L2HGDH: variants seen among roughly 807,000 people sequenced by gnomAD.
L2HGDH encodes the protein L-2-hydroxyglutarate dehydrogenase, mitochondrial.
In L2HGDH, 34 loss-of-function variants were observed where a neutral mutation model predicts 51.5. The ratio of observed to expected loss-of-function variants is 0.66; its 90% CI spans 0.50 to 0.88. L2HGDH has a LOEUF of 0.88. L2HGDH is among the 40% of genes least tolerant of loss of function. The pLI is 0.00. For synonymous variants in L2HGDH, 198 were observed against 197.9 expected, an observed-to-expected ratio of 1.00 and a Z score of -0.01; for missense variants, 558 against 571.9, an observed-to-expected ratio of 0.98 and a Z score of 0.25.
intron 8 of L2HGDH, among the ~76,000 whole-genome samples, 189 bp downstream of exon 8, chr14:50,267,564 T>TG (rs1555328736): frequency 2.7e-5 from 4 of 150,870 alleles, no homozygotes; most frequent in Admixed American, 6.6e-5. Flanking sequence ...GCATTTTTTT[T>TG]TTTGTTTGTT....
chr14:50,300,587 C>T (rs186555124), intron 3 of L2HGDH, among the ~76,000 whole-genome samples: 1 of 152,100 alleles, frequency 6.6e-6, no homozygotes, highest in Non-Finnish European at 1.5e-5. Flanking sequence ...GCGTGAGCCA[C>T]CCTGCCCGGC....
rs1864748519 is a variant in L2HGDH at position 50,303,010 on chromosome 14, C to T, written c.148G>A (p.Asp50Asn). Residue 50 changes from aspartate (D) to asparagine (N), a missense_variant, in exon 2 of 10, where the codon GAT (aspartate) becomes AAT (asparagine). Asp to Asn is a conservative substitution (Grantham distance 23, BLOSUM62 1). Transcript: ENST00000267436. ...ATTCCGCCACCAACGATGACTATAT[C>T]AAATGAGCTTCAAAAGAAAGTCATC... Reference protein sequence around the residue: ...GSRSASTSSFDIVIVGGGIVG... With the variant: ...GSRSASTSSFNIVIVGGGIVG... 6.2e-7 allele frequency: 1 copy of T among 1,600,608 alleles called. No homozygotes were observed. The highest frequency in any genetic ancestry group is 2.2e-5 in the East Asian group (1 of 44,824).
Position 50,312,047 on chromosome 14 carries a change from C to G in L2HGDH, c.104G>C (p.Arg35Thr), listed in dbSNP as rs1378838477. ...GCTGCGGCTACCTCCACACAGCGGT[C>G]TTGGCCTCCCAGACGCGAACCCGCA... Reference protein sequence around the residue: ...GACGFASGRPRPLCGGSRSAS... With the variant: ...GACGFASGRPTPLCGGSRSAS... The change falls in exon 1 of 10, where the codon AGA becomes ACA. Residue 35 changes from arginine to threonine, a missense_variant. Arg to Thr is a moderately conservative substitution (Grantham distance 71, BLOSUM62 -1). Coordinates refer to ENST00000267436, the MANE Select transcript of L2HGDH (RefSeq NM_024884.3). 6.3e-7 allele frequency: 1 copy of G among 1,587,788 alleles called. No individual in the cohort carries two copies. Among genetic ancestry groups the G allele is most frequent in the East Asian group, 2.3e-5 (1 of 43,800 alleles).
At chr14:50,272,495 G>A (rs1349237588) in intron 6 of L2HGDH, among the ~76,000 whole-genome samples, 1 of 152,174 alleles carries the variant, frequency 6.6e-6, no homozygotes, top group Non-Finnish European at 1.5e-5. Context: ...GAAGGCACCT[G>A]TAGGCAAATC....
At chr14:50,272,531 G>A (rs1464116466) in intron 6 of L2HGDH, among the ~76,000 whole-genome samples, 1 of 152,152 alleles carries the variant, frequency 6.6e-6, no homozygotes, top group East Asian at 1.9e-4. Context: ...AGGGTTTTTG[G>A]AGGAAAGTTA....
intron 9 of L2HGDH, among the ~76,000 whole-genome samples, chr14:50,252,308 C>A (rs1327872429): frequency 6.6e-6 from 1 of 151,766 alleles, no homozygotes. Flanking sequence ...TTAAAACATA[C>A]CATCAGAGAA....
At chr14:50,249,031 A>G (rs147761596) in intron 9 of L2HGDH, among the ~76,000 whole-genome samples, 5 of 152,250 alleles carry the variant, frequency 3.3e-5, no homozygotes, top group African/African-American at 1.2e-4. Context: ...GGGCCTTTAC[A>G]CTGAACTCAG....
chr14:50,295,614 G>T (rs180763843), intron 3 of L2HGDH, among the ~76,000 whole-genome samples: 2 of 124,608 alleles, frequency 1.6e-5, no homozygotes, highest in East Asian at 2.3e-4. Context: ...TAGAGACAGC[G>T]TTTTACCACA....
chr14:50,307,492 C>CT (rs1264879543), intron 1 of L2HGDH, among the ~76,000 whole-genome samples: 3 of 152,202 alleles, frequency 2.0e-5, no homozygotes, highest in Non-Finnish European at 4.4e-5. Context: ...ACCACGGAGG[C>CT]TGAAAGAGAC....
At chr14:50,278,585 T>C in intron 5 of L2HGDH, 31 bp from the exon 6 acceptor site, 1 of 1,216,594 alleles carries the variant, frequency 8.2e-7, no homozygotes, top group Admixed American at 1.9e-5. Flanking sequence ...AAAAATTTAT[T>C]TTTAGCAAAA....
chr14:50,311,947 C>T (rs2031233621), intron 1 of L2HGDH, 64 bp downstream of exon 1: 65 of 1,532,738 alleles, frequency 4.2e-5, no homozygotes, highest in Non-Finnish European at 5.5e-5. Flanking sequence ...GGCACAGGTC[C>T]ACCACCAGGT....
intron 9 of L2HGDH, among the ~76,000 whole-genome samples, chr14:50,248,620 G>T (rs1438901577): frequency 6.6e-6 from 1 of 152,212 alleles, no homozygotes; most frequent in East Asian, 1.9e-4. Context: ...AACAGTAAGA[G>T]TGAAAGGTTG....
chr14:50,288,910 T>G (rs962436573), intron 4 of L2HGDH, among the ~76,000 whole-genome samples: 2 of 152,244 alleles, frequency 1.3e-5, no homozygotes, highest in Admixed American at 6.5e-5. Flanking sequence ...CTAAAAGAGC[T>G]AATTTGGTCT....
Position 50,312,010 on chromosome 14 carries a change from C to CCTGGTG in L2HGDH, c.135_140dup (p.Thr46_Ser47dup), listed in dbSNP as rs1334440953. On this transcript the variant is annotated inframe_insertion and splice_region_variant. Coordinates refer to ENST00000267436, the MANE Select transcript of L2HGDH (RefSeq NM_024884.3). ...GGCGGGGAGGACCAGCGGCCACTCA[C>CCTGGTG]CTGGTGCTGGCGCTGCGGCTACCTC... 3.2e-6 allele frequency: 5 copies of CCTGGTG among 1,562,146 alleles called. No individual in the cohort carries two copies. In the South Asian group the frequency reaches 3.5e-5, roughly 11 times the overall value.
intron 3 of L2HGDH, among the ~76,000 whole-genome samples, chr14:50,295,506 A>G (rs1484143738): frequency 6.6e-6 from 1 of 151,400 alleles, no homozygotes; most frequent in African/African-American, 2.4e-5. Context: ...TCCCGAGCTC[A>G]GGTGATTCTC....
intron 1 of L2HGDH, among the ~76,000 whole-genome samples, chr14:50,308,293 G>C (rs1254807610): frequency 2.6e-5 from 4 of 152,128 alleles, no homozygotes. Flanking sequence ...GGGAGGCTGA[G>C]GCAGGAGAAT....
chr14:50,278,403 G>T, intron 6 of L2HGDH, 117 bp downstream of exon 6: 1 of 383,840 alleles, frequency 2.6e-6, no homozygotes. Context: ...AATTCTCTCA[G>T]AATTACATTA....
chr14:50,284,370 G>A (rs1009249794), intron 4 of L2HGDH, among the ~76,000 whole-genome samples: 1 of 152,172 alleles, frequency 6.6e-6, no homozygotes, highest in Non-Finnish European at 1.5e-5. Flanking sequence ...CCAGAGCATT[G>A]CTTTGACTTG....
At chr14:50,306,389 C>A (rs2030729192) in intron 1 of L2HGDH, among the ~76,000 whole-genome samples, 1 of 152,124 alleles carries the variant, frequency 6.6e-6, no homozygotes. Flanking sequence ...ATATCAATTA[C>A]ATGGCAGTGT....
Sources: allele counts gnomAD v4.1 joint callset (sites outside exome capture counted in the v4.1 genomes callset), GRCh38; gene constraint gnomAD v4.1.1; transcripts MANE v1.5; gene names NCBI Gene and HGNC (gene_info 2026-07-23, HGNC 2026-07-21).